The following FBXL7 variants were observed in gnomAD, a reference collection of about 807,000 sequenced individuals.
FBXL7 encodes the protein F-box/LRR-repeat protein 7.
A neutral mutation model predicts 38.3 loss-of-function variants in FBXL7; 12 were observed. The ratio of observed to expected loss-of-function variants is 0.31; its 90% CI spans 0.20 to 0.51. The LOEUF (loss-of-function observed/expected upper bound fraction) is 0.51. Ranked by LOEUF, FBXL7 falls within the 20% of genes least tolerant of loss-of-function variation. The probability of loss-of-function intolerance (pLI) is 0.98; values close to 1 mark genes in which losing one functional copy is unlikely to be tolerated. For synonymous variants in FBXL7, 297 were observed against 300.9 expected, an observed-to-expected ratio of 0.99 and a Z score of 0.13; for missense variants, 567 against 676.4, an observed-to-expected ratio of 0.84 and a Z score of 1.79.
intron 2 of FBXL7, among the ~76,000 whole-genome samples, chr5:15,625,424 TGGC>T (rs1165699086): frequency 2.0e-5 from 3 of 152,044 alleles, no homozygotes; most frequent in African/African-American, 7.2e-5. Context: ...GAAGCCGAGG[TGGC>T]CGATCACATG....
intron 2 of FBXL7, among the ~76,000 whole-genome samples, chr5:15,638,844 A>G (rs185818190): frequency 2.0e-5 from 3 of 152,324 alleles, no homozygotes; most frequent in Non-Finnish European, 4.4e-5. Context: ...TGTTAGTAGC[A>G]AGCAATATTT....
chr5:15,864,536 A>G (rs1739622775), intron 2 of FBXL7, among the ~76,000 whole-genome samples: 1 of 152,144 alleles, frequency 6.6e-6, no homozygotes, highest in South Asian at 2.1e-4. Context: ...CTGATGGTCT[A>G]TTGACTAGAG....
In FBXL7 at chr5:15,854,667, G is replaced by T. The variant is rs140775864; in HGVS notation, c.128-73223G>T. Among the ~76,000 whole-genome samples the T allele has an allele frequency of 4.0e-3, 608 of 151,986 alleles. 5 individuals are homozygous for T. The highest frequency in any genetic ancestry group is 0.014 in the African/African-American group (570 of 41,448). ...AGTATAATACTTCATACTTTCTCAC[G>T]CACTCTCCCACCTGTTGCAGGCTCA... On this transcript the variant is annotated intron_variant, in intron 2 of 3. Coordinates refer to ENST00000504595, the MANE Select transcript of FBXL7 (RefSeq NM_012304.5).
intron 2 of FBXL7, among the ~76,000 whole-genome samples, chr5:15,871,156 C>A (rs1739940332): frequency 2.6e-5 from 4 of 152,192 alleles, no homozygotes; most frequent in Admixed American, 2.6e-4. Flanking sequence ...CTGCTGGTGA[C>A]ACCCAGGCAA....
rs367976674 is a variant in FBXL7 at position 15,865,025 on chromosome 5, G to A, written c.128-62865G>A. Among the ~76,000 whole-genome samples the A allele has an allele frequency of 3.9e-4, 59 of 152,188 alleles. 2 individuals carry two copies. In the South Asian group the frequency reaches 0.012, roughly 31 times the overall value. On this transcript the variant is annotated intron_variant, in intron 2 of 3. Coordinates refer to ENST00000504595, the MANE Select transcript of FBXL7 (RefSeq NM_012304.5). The stretch of plus-strand genomic sequence containing the variant: ...CCTCCAAGACTTGGCTCTGATTTCT[G>A]GCAGTGCTGCTTTCATTTGCTGAAG...
intron 2 of FBXL7, among the ~76,000 whole-genome samples, chr5:15,896,376 C>T (rs1561180208): frequency 6.6e-6 from 1 of 152,184 alleles, no homozygotes; most frequent in Non-Finnish European, 1.5e-5. Context: ...TTCCTCATTT[C>T]TGAAACCTAA....
At chr5:15,556,330 C>G (rs777053948) in intron 1 of FBXL7, among the ~76,000 whole-genome samples, 11 of 152,000 alleles carry the variant, frequency 7.2e-5, no homozygotes, top group Non-Finnish European at 1.2e-4. Flanking sequence ...AGCAGCCAGG[C>G]ATAGAGTGAG....
At chr5:15,663,221 T>G (rs1482652688) in intron 2 of FBXL7, among the ~76,000 whole-genome samples, 1 of 152,220 alleles carries the variant, frequency 6.6e-6, no homozygotes, top group Non-Finnish European at 1.5e-5. Flanking sequence ...TTCGCCTCTC[T>G]GATTAGCTGT....
chr5:15,644,521 C>T (rs1269767589), intron 2 of FBXL7, among the ~76,000 whole-genome samples: 3 of 149,806 alleles, frequency 2.0e-5, no homozygotes, highest in African/African-American at 4.9e-5. Flanking sequence ...AAAGGTGGAA[C>T]GTGGGTGGTG....
chr5:15,918,116 A>G (rs1344823494), intron 2 of FBXL7, among the ~76,000 whole-genome samples: 3 of 151,988 alleles, frequency 2.0e-5, no homozygotes, highest in African/African-American at 7.2e-5. Context: ...GTGTGCGCCT[A>G]TAATCCCAGC....
intron 2 of FBXL7, among the ~76,000 whole-genome samples, chr5:15,774,414 G>C (rs772096917): frequency 1.3e-5 from 2 of 151,460 alleles, no homozygotes; most frequent in Non-Finnish European, 2.9e-5. Context: ...GGTGGAGGGT[G>C]GGGGGGCTAC....
At chr5:15,757,587 A>G (rs1043196083) in intron 2 of FBXL7, among the ~76,000 whole-genome samples, 81 of 151,632 alleles carry the variant, frequency 5.3e-4, no homozygotes, top group African/African-American at 2.0e-3. Context: ...AGTTGTTGTG[A>G]TAGAGCTAGA....
intron 1 of FBXL7, among the ~76,000 whole-genome samples, chr5:15,551,698 C>T (rs1448326503): frequency 6.6e-6 from 1 of 152,078 alleles, no homozygotes; most frequent in Non-Finnish European, 1.5e-5. Context: ...TCCAAAAAAT[C>T]CATTTTATGC....
chr5:15,572,100 G>T (rs1003163426), intron 1 of FBXL7, among the ~76,000 whole-genome samples: 3 of 152,026 alleles, frequency 2.0e-5, no homozygotes, highest in African/African-American at 7.2e-5. Context: ...AAGTCACCAG[G>T]TTTTTGACTT....
At chr5:15,594,748 A>G (rs1400328537) in intron 1 of FBXL7, among the ~76,000 whole-genome samples, 2 of 152,234 alleles carry the variant, frequency 1.3e-5, no homozygotes, top group African/African-American at 2.4e-5. Context: ...TGTACCAGTG[A>G]CATACTATAT....
chr5:15,570,981 A>T (rs1040289687), intron 1 of FBXL7, among the ~76,000 whole-genome samples: 1 of 151,274 alleles, frequency 6.6e-6, no homozygotes, highest in Non-Finnish European at 1.5e-5. Context: ...AATCCCAGCT[A>T]CTCCGGAGGC....
intron 2 of FBXL7, among the ~76,000 whole-genome samples, chr5:15,658,743 CA>C (rs1741962587): frequency 6.6e-6 from 1 of 152,058 alleles, no homozygotes; most frequent in South Asian, 2.1e-4. Flanking sequence ...CAGAACGGAA[CA>C]GAACAGGACA....
intron 2 of FBXL7, among the ~76,000 whole-genome samples, chr5:15,890,405 C>T (rs1465856085): frequency 6.6e-6 from 1 of 152,088 alleles, no homozygotes; most frequent in African/African-American, 2.4e-5. Flanking sequence ...TGACGCCCAG[C>T]TAATTTTGTA....
At chr5:15,829,057 A>G (rs1281850442) in intron 2 of FBXL7, among the ~76,000 whole-genome samples, 1 of 152,218 alleles carries the variant, frequency 6.6e-6, no homozygotes, top group African/African-American at 2.4e-5. Context: ...TTCATGATCT[A>G]CTGAAGCCCA....
Sources: allele counts gnomAD v4.1 joint callset (sites outside exome capture counted in the v4.1 genomes callset), GRCh38; gene constraint gnomAD v4.1.1; transcripts MANE v1.5; gene names NCBI Gene and HGNC (gene_info 2026-07-23, HGNC 2026-07-21).